Variants in CLEC2D observed in about 807,000 individuals in gnomAD.
CLEC2D encodes C-type lectin related f.
A neutral mutation model predicts 20.0 loss-of-function variants in CLEC2D; 16 were observed. That is an observed-to-expected ratio of 0.80 (90% CI 0.54 to 1.22). CLEC2D has a LOEUF of 1.22. CLEC2D is among the 50% of genes most tolerant of loss of function. CLEC2D has a pLI of 0.00. For missense variants in CLEC2D, 207 were observed against 221.5 expected (o/e 0.93, Z 0.42); for synonymous variants, 77 against 71.1 (o/e 1.08, Z -0.42).
intron 1 of CLEC2D, among the ~76,000 whole-genome samples, chr12:9,677,369 T>C (rs1865539870): frequency 6.6e-6 from 1 of 152,216 alleles, no homozygotes; most frequent in Non-Finnish European, 1.5e-5. Context: ...CCTTGACCCA[T>C]ATGTTGTTTA....
intron 2 of CLEC2D, 88 bp downstream of exon 2, chr12:9,681,121 C>CA: frequency 2.6e-6 from 2 of 765,474 alleles, no homozygotes; most frequent in South Asian, 3.7e-5. Flanking sequence ...TTATTCTTTA[C>CA]AGCTTTTAAT....
chr12:9,694,730 G>A, intron 4 of CLEC2D, 30 bp from the exon 5 acceptor site: 1 of 1,181,894 alleles, frequency 8.5e-7, no homozygotes, highest in Non-Finnish European at 1.3e-6. Context: ...AATGTTCAGT[G>A]GCCAACTGAT....
intron 1 of CLEC2D, among the ~76,000 whole-genome samples, chr12:9,679,400 A>C (rs1591692104): frequency 1.3e-5 from 2 of 152,108 alleles, no homozygotes; most frequent in African/African-American, 2.4e-5. Flanking sequence ...ATGTTTCTCC[A>C]AAATAGTGGT....
intron 1 of CLEC2D, among the ~76,000 whole-genome samples, chr12:9,671,463 G>T (rs1380414276): frequency 6.6e-6 from 1 of 151,916 alleles, no homozygotes; most frequent in African/African-American, 2.4e-5. Flanking sequence ...TTTGTGATCC[G>T]CCCGCCTCGG....
intron 3 of CLEC2D, among the ~76,000 whole-genome samples, chr12:9,692,592 G>C (rs1383949259): frequency 6.6e-6 from 1 of 152,122 alleles, no homozygotes; most frequent in East Asian, 1.9e-4. Flanking sequence ...GTCATACAAA[G>C]GAGTACAATA....
At chr12:9,672,001 T>C (rs1311543399) in intron 1 of CLEC2D, among the ~76,000 whole-genome samples, 1 of 152,108 alleles carries the variant, frequency 6.6e-6, no homozygotes, top group Non-Finnish European at 1.5e-5. Flanking sequence ...ATATATAGAC[T>C]CTGTCTTAGT....
chr12:9,688,589 T>C lies in CLEC2D; in HGVS notation c.357+503T>C, dbSNP rs952903542. Reference sequence around the variant, plus strand: ...CAAAAATTAGCTGGGCATGGTGGCATACGCCTGTAGTTCCAGCTACTCAGG... The same window carrying C: ...CAAAAATTAGCTGGGCATGGTGGCACACGCCTGTAGTTCCAGCTACTCAGG... On this transcript the variant is annotated intron_variant, in intron 3 of 4. Coordinates refer to ENST00000290855, the MANE Select transcript of CLEC2D (RefSeq NM_013269.6). 4.6e-5 allele frequency among the ~76,000 whole-genome samples: 7 copies of C among 152,104 alleles called. No individual in the cohort carries two copies. The South Asian group carries it at 6.2e-4, about 13-fold the overall frequency.
chr12:9,677,149 AAT>A (rs1365722772), intron 1 of CLEC2D, among the ~76,000 whole-genome samples: 1 of 151,258 alleles, frequency 6.6e-6, no homozygotes, highest in African/African-American at 2.4e-5. Flanking sequence ...TCTTCTGTTT[AAT>A]TTGTACCTGA....
intron 2 of CLEC2D, among the ~76,000 whole-genome samples, chr12:9,686,701 C>T (rs1390031026): frequency 6.6e-6 from 1 of 152,128 alleles, no homozygotes; most frequent in Non-Finnish European, 1.5e-5. Context: ...CTGGTAGCTA[C>T]TAGGGGCTCA....
chr12:9,684,304 A>G (rs1375754161), intron 2 of CLEC2D, among the ~76,000 whole-genome samples: 1 of 152,240 alleles, frequency 6.6e-6, no homozygotes. Context: ...TTCTAAATAT[A>G]CAATTCTGTC....
At chr12:9,683,277 T>A (rs1865675202) in intron 2 of CLEC2D, among the ~76,000 whole-genome samples, 1 of 151,810 alleles carries the variant, frequency 6.6e-6, no homozygotes, top group African/African-American at 2.4e-5. Flanking sequence ...ATTGCAAAAT[T>A]TGTCTCCCAT....
chr12:9,671,259 T>G (rs986209051), intron 1 of CLEC2D, among the ~76,000 whole-genome samples: 2 of 152,232 alleles, frequency 1.3e-5, no homozygotes, highest in Non-Finnish European at 2.9e-5. Flanking sequence ...AGTCTCACTC[T>G]GTCCCCCAGG....
Position 9,688,087 on chromosome 12 carries a change from G to A in CLEC2D, c.357+1G>A. ...TCAGGTTGAAAGCTTCCAGGAACTG[G>A]TAAGAAAATAGTTCTGGCCAGAATC... On this transcript the variant is annotated splice_donor_variant, in intron 3 of 4. Transcript: ENST00000290855. LOFTEE classifies it high-confidence loss of function. 6.4e-7 allele frequency: 1 copy of A among 1,571,532 alleles called. No individual in the cohort carries two copies. Among genetic ancestry groups the A allele is most frequent in the Non-Finnish European group, 8.6e-7 (1 of 1,157,404 alleles).
At chr12:9,693,013 T>G in intron 4 of CLEC2D, 82 bp downstream of exon 4, 1 of 1,609,472 alleles carries the variant, frequency 6.2e-7, no homozygotes, top group Non-Finnish European at 8.5e-7. Context: ...GTTACATGCT[T>G]TAAAAAATTC....
chr12:9,676,755 T>C (rs770027066), intron 1 of CLEC2D, among the ~76,000 whole-genome samples: 1 of 152,336 alleles, frequency 6.6e-6, no homozygotes, highest in South Asian at 2.1e-4. Context: ...GTATAATTTT[T>C]TCCTTAAATA....
At chr12:9,691,404 A>T (rs779319753) in intron 3 of CLEC2D, among the ~76,000 whole-genome samples, 1 of 152,274 alleles carries the variant, frequency 6.6e-6, no homozygotes, top group East Asian at 1.9e-4. Flanking sequence ...CAACACTATA[A>T]ACCAATTATC....
chr12:9,696,339 A>G lies in CLEC2D; in HGVS notation c.*1465A>G, dbSNP rs1865993354. On this transcript the variant is annotated 3_prime_UTR_variant, in exon 5 of 5. Transcript: ENST00000290855. ...GTGCAGAGTGAGAACTTTCCCTACC[A>G]TGTTTGATAAATGTTGTCCAGGTTC... 3 of 554,952 alleles carry G rather than the reference A, an allele frequency of 5.4e-6. No homozygotes were observed. The highest frequency in any genetic ancestry group is 9.9e-6 in the Non-Finnish European group (3 of 302,426). 34.4% of individuals were successfully genotyped at this position (554,952 alleles called of 1,614,324 possible).
rs776664282 is a variant in CLEC2D at position 9,678,662 on chromosome 12, T to C, written c.62-2261T>C. ...TCAAGTGATTCTCCTACCTGAGCCCTGAGTACCTGGTATTACGGGCATGTG... is the reference window on the plus strand; with the variant it reads ...TCAAGTGATTCTCCTACCTGAGCCCCGAGTACCTGGTATTACGGGCATGTG... On this transcript the variant is annotated intron_variant, in intron 1 of 4. Transcript: ENST00000290855. 1.3e-4 allele frequency among the ~76,000 whole-genome samples: 20 copies of C among 152,272 alleles called. 1 individual carries two copies. In the South Asian group the frequency reaches 3.9e-3, roughly 30 times the overall value.
At chr12:9,693,414 A>G (rs1865908720) in intron 4 of CLEC2D, 1 of 248,946 alleles carries the variant, frequency 4.0e-6, no homozygotes, top group East Asian at 8.2e-5. Context: ...GTATATTTAT[A>G]GGATCTTCAG....
Sources: gnomAD v4.1 joint callset for allele counts (sites outside exome capture counted in the v4.1 genomes callset) on GRCh38, gnomAD v4.1.1 for gene constraint, MANE v1.5 for transcripts, NCBI Gene and HGNC (gene_info 2026-07-23, HGNC 2026-07-21) for gene names.